AQP9: variants seen among roughly 807,000 people sequenced by gnomAD.
AQP9 encodes the protein aquaporin 9.
In AQP9, 19 loss-of-function variants were observed where a neutral mutation model predicts 23.8. The ratio of observed to expected loss-of-function variants is 0.80; its 90% CI spans 0.56 to 1.17. The LOEUF is 1.17. Ranked by LOEUF, AQP9 falls within the 50% of genes most tolerant of loss-of-function variation. AQP9 has a pLI of 0.00. For synonymous variants in AQP9, 153 were observed against 131.5 expected, an observed-to-expected ratio of 1.16 and a Z score of -1.12; for missense variants, 413 against 362.0, an observed-to-expected ratio of 1.14 and a Z score of -1.14.
chr15:58,184,146 A>C lies in AQP9; in HGVS notation c.*11A>C. ...AGTGTCATCATGTAGTGGCATGCTC[A>C]GCTCTGGATTTGCAGTCAGTTTGGG... On this transcript the variant is annotated 3_prime_UTR_variant, in exon 6 of 6. Transcript: ENST00000219919. 2 of 1,610,876 alleles carry C rather than the reference A, an allele frequency of 1.2e-6. No individual in the cohort carries two copies. Among genetic ancestry groups the C allele is most frequent in the South Asian group, 1.1e-5 (1 of 90,822 alleles).
chr15:58,183,015 T>C (rs563774237), intron 5 of AQP9, among the ~76,000 whole-genome samples: 2 of 152,322 alleles, frequency 1.3e-5, no homozygotes, highest in South Asian at 4.1e-4. Context: ...AAAGGCCACA[T>C]GGAACATATG....
At chr15:58,142,920 C>G (rs1021432615) in intron 1 of AQP9, among the ~76,000 whole-genome samples, 13 of 152,174 alleles carry the variant, frequency 8.5e-5, no homozygotes, top group African/African-American at 2.9e-4. Context: ...CAGCAGTGCC[C>G]TGGATTCTGC....
At chr15:58,156,797 G>A (rs1437151501) in intron 1 of AQP9, among the ~76,000 whole-genome samples, 1 of 152,138 alleles carries the variant, frequency 6.6e-6, no homozygotes, top group African/African-American at 2.4e-5. Context: ...TCTCTAGGTT[G>A]GCCACTTCCA....
chr15:58,154,576 T>C (rs1898210622), intron 1 of AQP9, among the ~76,000 whole-genome samples: 1 of 99,304 alleles, frequency 1.0e-5, no homozygotes. Flanking sequence ...AAATTAATTA[T>C]AATGACCATC....
intron 4 of AQP9, among the ~76,000 whole-genome samples, chr15:58,178,837 A>T (rs145082610): frequency 5.9e-5 from 9 of 152,292 alleles, no homozygotes; most frequent in African/African-American, 1.9e-4. Flanking sequence ...TTAAGATAAC[A>T]GTCTCTGGAG....
At position 58,138,667 on chromosome 15, in the gene AQP9, C is replaced by A; in HGVS notation, c.102C>A (p.Phe34Leu). ...KETLSEFLGT[F>L]ILIVLGCGCV... ...CCCTCTCTGAGTTCTTGGGCACGTTCATCTTGATTGTAAGTATTTCCTGAT... is the reference window on the plus strand; with the variant it reads ...CCCTCTCTGAGTTCTTGGGCACGTTAATCTTGATTGTAAGTATTTCCTGAT... The change falls in exon 1 of 6, where the codon TTC becomes TTA. Residue 34 changes from phenylalanine to leucine, a missense_variant. Phe to Leu is a conservative substitution (Grantham distance 22). Transcript: ENST00000219919. 2 of 1,613,482 alleles carry A rather than the reference C, an allele frequency of 1.2e-6. No individual in the cohort carries two copies. The highest frequency in any genetic ancestry group is 8.5e-7 in the Non-Finnish European group (1 of 1,179,522).
intron 1 of AQP9, among the ~76,000 whole-genome samples, chr15:58,157,608 G>A (rs541224198): frequency 2.0e-5 from 3 of 152,258 alleles, no homozygotes; most frequent in Middle Eastern, 3.4e-3. Flanking sequence ...TGTTAGGCAT[G>A]TTTAATCAGC....
At chr15:58,163,477 T>C (rs1300103303) in intron 1 of AQP9, among the ~76,000 whole-genome samples, 4 of 152,122 alleles carry the variant, frequency 2.6e-5, no homozygotes, top group African/African-American at 9.7e-5. Flanking sequence ...ACCCAAGAGA[T>C]TGTTTTCTAG....
intron 1 of AQP9, chr15:58,150,763 C>T (rs1372906870): frequency 6.6e-6 from 1 of 152,160 alleles, no homozygotes; most frequent in African/African-American, 2.4e-5. Context: ...CCTCTGGCCA[C>T]CTTCCTTTCT....
At chr15:58,141,433 C>T (rs572751321) in intron 1 of AQP9, among the ~76,000 whole-genome samples, 177 of 152,256 alleles carry the variant, frequency 1.2e-3, no homozygotes, top group African/African-American at 4.0e-3. Context: ...GTCAAGCTTC[C>T]GCATTAGAGG....
chr15:58,147,642 C>T (rs1225977506), intron 1 of AQP9, among the ~76,000 whole-genome samples: 4 of 152,116 alleles, frequency 2.6e-5, no homozygotes, highest in African/African-American at 9.6e-5. Flanking sequence ...AAGGCTTAGT[C>T]CCTCTCAGCG....
Position 58,173,151 on chromosome 15 carries a change from G to T in AQP9, c.322G>T (p.Ala108Ser), listed in dbSNP as rs1019361883. The change falls in exon 3 of 6, where the codon GCC becomes TCC. Residue 108 changes from alanine (A) to serine (S), a missense_variant. Transcript: ENST00000219919. ...GTTCAAATTGCCATTTTATGTGGGA[G>T]CCCAGTTCTTGGGAGCCTTTGTGGG... ...KWFKLPFYVG[A>S]QFLGAFVGAA... 1.2e-6 allele frequency: 2 copies of T among 1,614,174 alleles called. No homozygotes were observed. The highest frequency in any genetic ancestry group is 1.7e-6 in the Non-Finnish European group (2 of 1,180,018).
intron 1 of AQP9, among the ~76,000 whole-genome samples, chr15:58,144,773 T>C (rs933976388): frequency 6.6e-6 from 1 of 152,054 alleles, no homozygotes; most frequent in African/African-American, 2.4e-5. Context: ...CCCAGCACTT[T>C]GGGAGGCCGA....
chr15:58,174,899 A>C lies in AQP9; in HGVS notation c.377-19A>C, dbSNP rs892066789. The stretch of plus-strand genomic sequence containing the variant: ...TCTTCCCAGGGAACACTAATGTGCC[A>C]GAGCTTTCTCTTTCATAGATGGACT... On this transcript the variant is annotated intron_variant, in intron 3 of 5. Transcript: ENST00000219919. 2 of 1,604,748 alleles carry C rather than the reference A, an allele frequency of 1.2e-6. No homozygotes were observed. Among genetic ancestry groups the C allele is most frequent in the African/African-American group, 1.3e-5 (1 of 74,718 alleles).
intron 1 of AQP9, among the ~76,000 whole-genome samples, chr15:58,145,034 GATAAA>G (rs1446087982): frequency 7.1e-6 from 1 of 140,048 alleles, no homozygotes; most frequent in Non-Finnish European, 1.6e-5. Context: ...AAAAAAAAAA[GATAAA>G]AGAAAAAAAC....
At chr15:58,152,231 AC>A (rs1469526796) in intron 1 of AQP9, 22 of 152,236 alleles carry the variant, frequency 1.4e-4, no homozygotes, top group African/African-American at 5.3e-4. Flanking sequence ...AGTCTTACTA[AC>A]CTTGCCTTTC....
At position 58,184,133 on chromosome 15, in the gene AQP9, T is replaced by C. The variant is rs751460577; in HGVS notation, c.886T>C (p.Ter296GlnextTer44). Residue 296 changes from the stop codon to glutamine (Q), a stop_lost, in exon 6 of 6, where the codon TAG becomes CAG. Coordinates refer to ENST00000219919, the MANE Select transcript of AQP9 (RefSeq NM_020980.5). ...PEKYELSVIM[*>Q] ...GAAATATGAACTCAGTGTCATCATG[T>C]AGTGGCATGCTCAGCTCTGGATTTG... 1 of 1,613,758 alleles carries C rather than the reference T, an allele frequency of 6.2e-7. No homozygotes were observed. The highest frequency in any genetic ancestry group is 1.3e-5 in the African/African-American group (1 of 74,926).
chr15:58,156,382 A>G (rs1175010325), intron 1 of AQP9, among the ~76,000 whole-genome samples: 1 of 152,206 alleles, frequency 6.6e-6, no homozygotes, highest in Non-Finnish European at 1.5e-5. Flanking sequence ...TATAATCTGC[A>G]TACATATAAC....
intron 1 of AQP9, among the ~76,000 whole-genome samples, chr15:58,160,385 C>T (rs7165818): frequency 0.16 from 24,780 of 151,844 alleles, 2,096 homozygotes; most frequent in Non-Finnish European, 0.18. Context: ...TGTTTGAGCT[C>T]CTTATATATT....
Sources: gnomAD v4.1 joint callset for allele counts (sites outside exome capture counted in the v4.1 genomes callset) on GRCh38, gnomAD v4.1.1 for gene constraint, MANE v1.5 for transcripts, NCBI Gene and HGNC (gene_info 2026-07-23, HGNC 2026-07-21) for gene names.